The following SPATA16 variants were observed in gnomAD, a reference collection of about 807,000 sequenced individuals.
The protein encoded by SPATA16 is spermatogenesis associated 16.
In SPATA16, 36 loss-of-function variants were observed where a neutral mutation model predicts 63.3. That is an observed-to-expected ratio of 0.57 (90% CI 0.44 to 0.75). The LOEUF is 0.75. Among genes scored for constraint, SPATA16 ranks in the 30% least tolerant of loss-of-function variants. The pLI is 0.00. For synonymous variants in SPATA16, 203 were observed against 216.7 expected, an observed-to-expected ratio of 0.94 and a Z score of 0.56; for missense variants, 646 against 679.3, an observed-to-expected ratio of 0.95 and a Z score of 0.54.
chr3:173,035,723 G>A (rs1436960775), intron 3 of SPATA16, among the ~76,000 whole-genome samples: 5 of 152,072 alleles, frequency 3.3e-5, no homozygotes, highest in African/African-American at 1.2e-4. Context: ...GGTTCTCAAC[G>A]TGCAGCCTGC....
At chr3:172,964,486 CA>C (rs1733863032) in intron 5 of SPATA16, among the ~76,000 whole-genome samples, 1 of 152,092 alleles carries the variant, frequency 6.6e-6, no homozygotes, top group Non-Finnish European at 1.5e-5. Flanking sequence ...AATGAATCAC[CA>C]AAAGGTGTCA....
intron 4 of SPATA16, among the ~76,000 whole-genome samples, chr3:172,989,853 T>A (rs540987151): frequency 6.6e-6 from 1 of 152,206 alleles, no homozygotes; most frequent in Non-Finnish European, 1.5e-5. Context: ...CTCATTGTTA[T>A]TAAAATTTTT....
intron 2 of SPATA16, among the ~76,000 whole-genome samples, chr3:173,049,599 A>G (rs1483766852): frequency 6.6e-6 from 1 of 152,156 alleles, no homozygotes; most frequent in Non-Finnish European, 1.5e-5. Context: ...AGCCATTAAC[A>G]TGATCGGTGA....
chr3:172,900,138 A>C (rs906825207), intron 10 of SPATA16, among the ~76,000 whole-genome samples: 2 of 152,106 alleles, frequency 1.3e-5, no homozygotes, highest in African/African-American at 4.8e-5. Context: ...GAATTCTCTC[A>C]GTTTTCCTTC....
intron 10 of SPATA16, among the ~76,000 whole-genome samples, chr3:172,906,244 A>G (rs1252540550): frequency 1.3e-5 from 2 of 152,218 alleles, no homozygotes; most frequent in African/African-American, 4.8e-5. Flanking sequence ...GGGATCTAAA[A>G]GTGATGTGGG....
intron 6 of SPATA16, 148 bp from the exon 7 acceptor site, chr3:172,925,640 G>T: frequency 1.1e-6 from 1 of 914,170 alleles, no homozygotes; most frequent in Non-Finnish European, 1.7e-6. Flanking sequence ...GTATCAAAAG[G>T]TCAAATAGAT....
chr3:173,074,992 C>CAAAAAAAAAAAAAAAAAAAAAGAAAGAAA (rs35683679), intron 2 of SPATA16, among the ~76,000 whole-genome samples: 1 of 66,838 alleles, frequency 1.5e-5, no homozygotes, highest in Non-Finnish European at 3.5e-5. Context: ...GACTCTATCT[C>CAAAAAAAAAAAAAAAAAAAAAGAAAGAAA]AAAAAAAAAA....
At chr3:173,050,049 A>G (rs748358178) in intron 2 of SPATA16, among the ~76,000 whole-genome samples, 41 of 152,180 alleles carry the variant, frequency 2.7e-4, no homozygotes, top group Non-Finnish European at 4.0e-4. Flanking sequence ...TTATTTATAT[A>G]TCCTTCAGTA....
chr3:173,034,240 A>G (rs867293520), intron 3 of SPATA16, among the ~76,000 whole-genome samples: 3 of 152,140 alleles, frequency 2.0e-5, no homozygotes. Context: ...ATTATTTTTT[A>G]TGCTGCCTTC....
At chr3:173,135,100 G>A (rs1007353371) in intron 1 of SPATA16, among the ~76,000 whole-genome samples, 21 of 152,206 alleles carry the variant, frequency 1.4e-4, no homozygotes, top group African/African-American at 5.1e-4. Context: ...ATATAAAGGA[G>A]TTCTGTGAAA....
intron 10 of SPATA16, among the ~76,000 whole-genome samples, chr3:172,895,619 C>A (rs995825332): frequency 6.6e-5 from 10 of 152,040 alleles, no homozygotes; most frequent in African/African-American, 2.4e-4. Context: ...TAGAAGTGAG[C>A]CACCGTGCCT....
At chr3:173,049,147 C>T (rs752189767) in intron 2 of SPATA16, 53 bp from the exon 3 acceptor site, 1 of 1,540,776 alleles carries the variant, frequency 6.5e-7, no homozygotes, top group Non-Finnish European at 8.8e-7. Context: ...TATAATTTAT[C>T]TTTTAAATAA....
Position 172,889,540 on chromosome 3 carries a change from A to T in SPATA16, c.*30T>A. 6.2e-7 allele frequency: 1 copy of T among 1,613,058 alleles called. No individual in the cohort carries two copies. Among genetic ancestry groups the T allele is most frequent in the Non-Finnish European group, 8.5e-7 (1 of 1,179,720 alleles). ...ATGCCCTTGCCTCTTCTTCTGGGAT[A>T]TCTTAGTGGTAGTGCCTGCTCCCTA... On this transcript the variant is annotated 3_prime_UTR_variant, in exon 11 of 11. Transcript: ENST00000351008.
intron 4 of SPATA16, among the ~76,000 whole-genome samples, chr3:173,013,498 T>A (rs1355502155): frequency 1.3e-5 from 2 of 152,198 alleles, no homozygotes; most frequent in African/African-American, 4.8e-5. Flanking sequence ...AGACAGCACT[T>A]GACTTTTATA....
chr3:173,057,732 A>G (rs897727727), intron 2 of SPATA16, among the ~76,000 whole-genome samples: 1 of 152,250 alleles, frequency 6.6e-6, no homozygotes, highest in African/African-American at 2.4e-5. Flanking sequence ...ACAGATCCAC[A>G]TTAAGTACAG....
chr3:173,123,763 C>A (rs1354042239), intron 1 of SPATA16, among the ~76,000 whole-genome samples: 1 of 151,862 alleles, frequency 6.6e-6, no homozygotes, highest in African/African-American at 2.4e-5. Context: ...ACCACCATGC[C>A]CAGCTAATTT....
chr3:173,111,253 T>C (rs1737742816), intron 2 of SPATA16, among the ~76,000 whole-genome samples: 1 of 152,048 alleles, frequency 6.6e-6, no homozygotes, highest in Admixed American at 6.6e-5. Context: ...CTACTAAAAA[T>C]ACAAAAATTA....
chr3:173,129,538 C>A (rs1405095322), intron 1 of SPATA16, among the ~76,000 whole-genome samples: 1 of 151,790 alleles, frequency 6.6e-6, no homozygotes, highest in Non-Finnish European at 1.5e-5. Context: ...CTCTATATAT[C>A]CTACTGCATG....
intron 1 of SPATA16, among the ~76,000 whole-genome samples, chr3:173,119,399 T>C (rs1737996765): frequency 6.6e-6 from 1 of 152,218 alleles, no homozygotes; most frequent in African/African-American, 2.4e-5. Flanking sequence ...ACTGTTCCTA[T>C]GGCTCTAACC....
Sources: gnomAD v4.1 joint callset for allele counts (sites outside exome capture counted in the v4.1 genomes callset) on GRCh38, gnomAD v4.1.1 for gene constraint, MANE v1.5 for transcripts, NCBI Gene and HGNC (gene_info 2026-07-23, HGNC 2026-07-21) for gene names.